XRN1: variants seen among roughly 807,000 people sequenced by gnomAD.
The protein encoded by XRN1 is 5'-3' exoribonuclease 1.
A neutral mutation model predicts 222.3 loss-of-function variants in XRN1; 67 were observed. That is an observed-to-expected ratio of 0.30 (90% CI 0.25 to 0.37). The LOEUF (loss-of-function observed/expected upper bound fraction) is 0.37. XRN1 is among the 10% of genes least tolerant of loss of function. The probability of loss-of-function intolerance (pLI) is 1.00; values close to 1 mark genes in which losing one functional copy is unlikely to be tolerated. For missense variants in XRN1, 1,707 were observed against 2,000.2 expected, an observed-to-expected ratio of 0.85 and a Z score of 2.80; for synonymous variants, 643 against 652.4, an observed-to-expected ratio of 0.99 and a Z score of 0.22.
At position 142,332,359 on chromosome 3, in the gene XRN1, T is replaced by C. The variant is rs866205902; in HGVS notation, c.4222+16A>G. 2.0e-6 allele frequency: 3 copies of C among 1,530,532 alleles called. No homozygotes were observed. Among genetic ancestry groups the C allele is most frequent in the Non-Finnish European group, 2.7e-6 (3 of 1,117,756 alleles). The allele number at this position is 1,530,532 out of a possible 1,614,324, so 94.8% of individuals were successfully genotyped here. ...TTTAAAATGATATTATTGGTAATAGTATTTAGTTTACTTACCTAATTTCTT... is the reference window on the plus strand; with the variant it reads ...TTTAAAATGATATTATTGGTAATAGCATTTAGTTTACTTACCTAATTTCTT... On this transcript the variant is annotated intron_variant, in intron 36 of 40. Coordinates refer to ENST00000392981, the MANE Select transcript of XRN1 (RefSeq NM_001282857.2).
chr3:142,447,470 C>A lies in XRN1; in HGVS notation c.75+400G>T, dbSNP rs1210136510. Among the ~76,000 whole-genome samples the A allele has an allele frequency of 6.6e-6, 1 of 152,182 alleles. No individual in the cohort carries two copies. The highest frequency in any genetic ancestry group is 1.5e-5 in the Non-Finnish European group (1 of 68,024). ...CTGTTATCGTCTGTAAGTGGGTCTG[C>A]CGCTCTGGGTGGGATGGGGGAACCT... On this transcript the variant is annotated intron_variant, in intron 1 of 40. Transcript: ENST00000392981. The surrounding 1 kb of genome is among the most constrained non-coding windows in gnomAD (Gnocchi z 4.2).
At chr3:142,331,778 TTC>T (rs1197950872) in intron 36 of XRN1, among the ~76,000 whole-genome samples, 2 of 152,136 alleles carry the variant, frequency 1.3e-5, no homozygotes, top group African/African-American at 4.8e-5. Flanking sequence ...ATTATTATTG[TTC>T]TTTTTGTTTT....
chr3:142,325,531 C>T (rs2065492692), intron 37 of XRN1, among the ~76,000 whole-genome samples: 2 of 151,028 alleles, frequency 1.3e-5, no homozygotes, highest in African/African-American at 2.4e-5. Flanking sequence ...TGTTTTTTTT[C>T]TCTTATTGTT....
At chr3:142,361,963 C>CTTTTTTTTTTTTTTTTTTTTTTTTTT (rs71153961) in intron 29 of XRN1, among the ~76,000 whole-genome samples, 2 of 51,678 alleles carry the variant, frequency 3.9e-5, no homozygotes, top group African/African-American at 8.9e-5. Context: ...CTTTTTCTCT[C>CTTTTTTTTTTTTTTTTTTTTTTTTTT]TTTTTTTTTT....
chr3:142,423,869 C>T (rs1223774071), intron 5 of XRN1, among the ~76,000 whole-genome samples: 2 of 152,084 alleles, frequency 1.3e-5, no homozygotes, highest in African/African-American at 4.8e-5. Context: ...ATAACCATTA[C>T]CCTATCCCCT....
intron 12 of XRN1, 127 bp downstream of exon 12, chr3:142,418,377 C>T: frequency 3.1e-6 from 2 of 650,466 alleles, no homozygotes; most frequent in Non-Finnish European, 5.1e-6. Context: ...CTAGTTGAAA[C>T]ATACACAATA....
chr3:142,322,606 G>A (rs2065388814), intron 37 of XRN1, among the ~76,000 whole-genome samples: 2 of 152,098 alleles, frequency 1.3e-5, no homozygotes. Flanking sequence ...CTTGAACCTG[G>A]CAGGTGGAAG....
intron 33 of XRN1, 67 bp downstream of exon 33, chr3:142,347,167 A>C: frequency 9.0e-7 from 1 of 1,112,764 alleles, no homozygotes; most frequent in Non-Finnish European, 1.3e-6. Context: ...AATTATATCA[A>C]TAAAATGTTT....
intron 29 of XRN1, among the ~76,000 whole-genome samples, chr3:142,360,588 G>A (rs964070435): frequency 6.6e-6 from 1 of 152,024 alleles, no homozygotes; most frequent in Non-Finnish European, 1.5e-5. Flanking sequence ...TACTGGGCTG[G>A]GTGCAGTGGC....
intron 19 of XRN1, among the ~76,000 whole-genome samples, chr3:142,399,825 T>C (rs1577365196): frequency 1.4e-5 from 2 of 148,018 alleles, no homozygotes; most frequent in South Asian, 2.1e-4. Flanking sequence ...ACATTTCGGA[T>C]GTGTAATAAC....
rs182563529 is a variant in XRN1 at position 142,440,117 on chromosome 3, C to T, written c.76-7224G>A. On this transcript the variant is annotated intron_variant, in intron 1 of 40. Transcript: ENST00000392981. ...CCTGGGTATGCTTTACCACTGAGGG[C>T]CAGGAGGTTAACTGTCTCCTGGACA... 2.6e-5 allele frequency among the ~76,000 whole-genome samples: 4 copies of T among 152,236 alleles called. No homozygotes were observed. The East Asian group carries it at 5.8e-4, about 22-fold the overall frequency.
At chr3:142,380,460 C>T (rs1391695565) in intron 22 of XRN1, among the ~76,000 whole-genome samples, 2 of 151,950 alleles carry the variant, frequency 1.3e-5, no homozygotes, top group African/African-American at 2.4e-5. Flanking sequence ...TTCTTTTTGA[C>T]AGGATCTCAT....
At chr3:142,389,929 T>C (rs909464816) in intron 20 of XRN1, among the ~76,000 whole-genome samples, 1 of 152,248 alleles carries the variant, frequency 6.6e-6, no homozygotes, top group Non-Finnish European at 1.5e-5. Flanking sequence ...TGTGTTTGCA[T>C]GTGTGAAAAC....
intron 37 of XRN1, among the ~76,000 whole-genome samples, chr3:142,322,127 G>A (rs943943716): frequency 5.3e-5 from 8 of 152,118 alleles, no homozygotes; most frequent in South Asian, 4.1e-4. Context: ...ACTTTCTTGC[G>A]GTCAGTAGGT....
At chr3:142,356,568 TTA>T (rs1291027547) in intron 31 of XRN1, among the ~76,000 whole-genome samples, 2 of 152,304 alleles carry the variant, frequency 1.3e-5, no homozygotes, top group African/African-American at 4.8e-5. Flanking sequence ...TCTTTCAAAT[TTA>T]TGTTATTTAT....
chr3:142,381,015 CAA>C (rs10709053), intron 22 of XRN1, among the ~76,000 whole-genome samples: 136 of 139,904 alleles, frequency 9.7e-4, no homozygotes, highest in Admixed American at 1.7e-3. Context: ...CAAAAAGTTG[CAA>C]AAAAAAAAAA....
In XRN1 at chr3:142,318,538, C is replaced by A. The variant is rs2065265278; in HGVS notation, c.4621+54G>T. The A allele has an allele frequency of 6.9e-6, 10 of 1,441,954 alleles. No homozygotes were observed. In the South Asian group the frequency reaches 1.2e-4, roughly 18 times the overall value. The allele number at this position is 1,441,954 out of a possible 1,614,324, so 89.3% of individuals were successfully genotyped here. On this transcript the variant is annotated intron_variant, in intron 39 of 40. Transcript: ENST00000392981. ...GTACATTCTTGATTTCTTAAAAGAG[C>A]TTAGTAAAAATAACAACTCAATGAC...
rs112041196 is a variant in XRN1 at position 142,312,955 on chromosome 3, T to C, written c.4622-197A>G. On this transcript the variant is annotated intron_variant, in intron 39 of 40. Transcript: ENST00000392981. The stretch of plus-strand genomic sequence containing the variant: ...CTTTCCTAGGACTGTGTGGACTATC[T>C]ACACAAATGAATTTATCATTATACT... Among the ~76,000 whole-genome samples the C allele has an allele frequency of 8.3e-3, 1,266 of 152,230 alleles. 19 individuals carry two copies. The highest frequency in any genetic ancestry group is 0.028 in the African/African-American group (1,157 of 41,516).
intron 33 of XRN1, among the ~76,000 whole-genome samples, chr3:142,345,789 C>G (rs576483521): frequency 5.3e-5 from 8 of 152,242 alleles, no homozygotes; most frequent in Admixed American, 2.6e-4. Context: ...AAAAGATGCT[C>G]AACATTATTA....
Sources: allele counts gnomAD v4.1 joint callset (sites outside exome capture counted in the v4.1 genomes callset), GRCh38; gene constraint gnomAD v4.1.1; non-coding constraint Gnocchi (gnomAD v3.1); transcripts MANE v1.5; gene names NCBI Gene and HGNC (gene_info 2026-07-23, HGNC 2026-07-21).